RAPGEF5: variants seen among roughly 807,000 people sequenced by gnomAD.
The protein encoded by RAPGEF5 is Rap guanine nucleotide exchange factor 5.
A neutral mutation model predicts 125.2 loss-of-function variants in RAPGEF5; 65 were observed. That is an observed-to-expected ratio of 0.52 (90% CI 0.43 to 0.64). The LOEUF (loss-of-function observed/expected upper bound fraction) is 0.64. RAPGEF5 is among the 30% of genes least tolerant of loss of function. The probability of loss-of-function intolerance (pLI) is 0.00; values close to 1 mark genes in which losing one functional copy is unlikely to be tolerated. For missense variants in RAPGEF5, 958 were observed against 1,048.1 expected (o/e 0.91, Z 1.19); for synonymous variants, 391 against 385.9 (o/e 1.01, Z -0.16).
At chr7:22,287,134 C>T (rs1337251104) in intron 6 of RAPGEF5, among the ~76,000 whole-genome samples, 3 of 152,174 alleles carry the variant, frequency 2.0e-5, no homozygotes, top group Non-Finnish European at 4.4e-5. Context: ...TTTCCTTAAG[C>T]TGAAAACTTC....
At chr7:22,312,043 C>T (rs901480268) in intron 3 of RAPGEF5, among the ~76,000 whole-genome samples, 15 of 152,172 alleles carry the variant, frequency 9.9e-5, no homozygotes, top group Admixed American at 5.9e-4. Flanking sequence ...AACTGTCAAA[C>T]TGCAAAGGTA....
At chr7:22,260,113 G>A (rs1782113990) in intron 7 of RAPGEF5, among the ~76,000 whole-genome samples, 2 of 152,068 alleles carry the variant, frequency 1.3e-5, no homozygotes, top group South Asian at 2.1e-4. Context: ...ATTAATGGTT[G>A]TAGTGGGTTA....
At chr7:22,193,005 G>A (rs941862086) in intron 11 of RAPGEF5, 3 of 296,150 alleles carry the variant, frequency 1.0e-5, no homozygotes, top group African/African-American at 4.3e-5. Context: ...CTACATGCCA[G>A]GTGAACGCCT....
chr7:22,176,321 A>C (rs137999724), intron 11 of RAPGEF5, among the ~76,000 whole-genome samples: 68 of 152,292 alleles, frequency 4.5e-4, no homozygotes, highest in African/African-American at 1.6e-3. Context: ...GGGTGAGGAC[A>C]CAGCCAAACC....
intron 6 of RAPGEF5, among the ~76,000 whole-genome samples, chr7:22,274,672 G>C (rs1362037930): frequency 6.6e-6 from 1 of 152,012 alleles, no homozygotes; most frequent in Non-Finnish European, 1.5e-5. Flanking sequence ...CCACAAATCT[G>C]CTCCATGAAT....
intron 6 of RAPGEF5, among the ~76,000 whole-genome samples, chr7:22,275,365 C>T (rs188234285): frequency 3.3e-5 from 5 of 152,186 alleles, no homozygotes; most frequent in Admixed American, 6.5e-5. Context: ...CTGGTACATA[C>T]GTTTGTGATC....
intron 7 of RAPGEF5, among the ~76,000 whole-genome samples, chr7:22,257,886 G>GGGCAAAATAAGAATGA (rs1357133798): frequency 6.6e-6 from 1 of 151,602 alleles, no homozygotes; most frequent in Non-Finnish European, 1.5e-5. Context: ...TTAAAGTCAG[G>GGGCAAAATAAGAATGA]GGCAAAATAA....
intron 7 of RAPGEF5, among the ~76,000 whole-genome samples, chr7:22,264,698 T>C (rs1436343663): frequency 6.6e-6 from 1 of 151,962 alleles, no homozygotes; most frequent in African/African-American, 2.4e-5. Flanking sequence ...GGCTCAAAAA[T>C]CTCTAAATCA....
intron 11 of RAPGEF5, among the ~76,000 whole-genome samples, chr7:22,168,788 A>G (rs1223332852): frequency 6.6e-6 from 1 of 152,236 alleles, no homozygotes; most frequent in African/African-American, 2.4e-5. Flanking sequence ...ATCCTAATCC[A>G]CATAGGTAAG....
chr7:22,258,559 G>A (rs1043757671), intron 7 of RAPGEF5, among the ~76,000 whole-genome samples: 1 of 148,884 alleles, frequency 6.7e-6, no homozygotes, highest in Admixed American at 6.8e-5. Flanking sequence ...GGGAGGCAGA[G>A]GTTGTGGTGA....
chr7:22,355,215 C>T (rs1784399381), intron 1 of RAPGEF5, among the ~76,000 whole-genome samples: 1 of 152,152 alleles, frequency 6.6e-6, no homozygotes. Context: ...GAGGTAACCA[C>T]ATTCAGAGTA....
chr7:22,293,194 C>T (rs911741360), intron 5 of RAPGEF5, among the ~76,000 whole-genome samples: 1 of 152,248 alleles, frequency 6.6e-6, no homozygotes, highest in African/African-American at 2.4e-5. Context: ...GCTTCTGGCT[C>T]TCCCCTGAGC....
chr7:22,274,953 T>A (rs192078198), intron 6 of RAPGEF5, among the ~76,000 whole-genome samples: 1 of 152,342 alleles, frequency 6.6e-6, no homozygotes, highest in East Asian at 1.9e-4. Context: ...TGGTCGGGTC[T>A]TCAGTATCAT....
At chr7:22,292,937 C>T (rs1440890958) in intron 5 of RAPGEF5, among the ~76,000 whole-genome samples, 7 of 150,418 alleles carry the variant, frequency 4.7e-5, no homozygotes, top group Non-Finnish European at 8.9e-5. Context: ...CTCTTGTATA[C>T]GAGACTGGTA....
intron 12 of RAPGEF5, among the ~76,000 whole-genome samples, chr7:22,164,252 G>A (rs1784093072): frequency 6.6e-6 from 1 of 152,106 alleles, no homozygotes; most frequent in Non-Finnish European, 1.5e-5. Flanking sequence ...GGTCACTTGA[G>A]CCTAGAAGGT....
intron 1 of RAPGEF5, among the ~76,000 whole-genome samples, chr7:22,344,534 G>A (rs971617778): frequency 6.6e-6 from 1 of 152,182 alleles, no homozygotes; most frequent in Non-Finnish European, 1.5e-5. Context: ...GAGAAAAAGA[G>A]AGCAAGCAGG....
intron 7 of RAPGEF5, among the ~76,000 whole-genome samples, chr7:22,231,973 G>A (rs935116358): frequency 1.1e-4 from 17 of 152,156 alleles, no homozygotes; most frequent in African/African-American, 3.6e-4. Context: ...AAACAAGAGC[G>A]GAAGCAGGGA....
chr7:22,191,860 C>T (rs769673051), intron 11 of RAPGEF5, among the ~76,000 whole-genome samples: 1 of 152,186 alleles, frequency 6.6e-6, no homozygotes, highest in Non-Finnish European at 1.5e-5. Context: ...TAGGCCTGGG[C>T]AGGTTATAAT....
intron 18 of RAPGEF5, among the ~76,000 whole-genome samples, chr7:22,148,091 C>A (rs187634793): frequency 6.6e-6 from 1 of 151,954 alleles, no homozygotes; most frequent in Admixed American, 6.6e-5. Context: ...GTGTGGTGCT[C>A]GGAAAGCAAT....
Sources: allele counts gnomAD v4.1 joint callset (sites outside exome capture counted in the v4.1 genomes callset), GRCh38; gene constraint gnomAD v4.1.1; transcripts MANE v1.5; gene names NCBI Gene and HGNC (gene_info 2026-07-23, HGNC 2026-07-21).